The following ADGRL3 variants were observed in gnomAD, a reference collection of about 807,000 sequenced individuals.
ADGRL3 encodes calcium-independent alpha-latrotoxin receptor 3.
ADGRL3 carries 62 observed loss-of-function variants against 153.5 expected under a neutral mutation model. The observed-to-expected ratio is 0.40, with a 90% CI of 0.33 to 0.50. The LOEUF is 0.50. Ranked by LOEUF, ADGRL3 falls within the 20% of genes least tolerant of loss-of-function variation. The probability of loss-of-function intolerance (pLI) is 0.47; values close to 1 mark genes in which losing one functional copy is unlikely to be tolerated. For missense variants in ADGRL3, 1,641 were observed against 1,859.4 expected (o/e 0.88, Z 2.16); for synonymous variants, 710 against 672.5 (o/e 1.06, Z -0.86).
chr4:61,579,289 G>T (rs938752986), intron 4 of ADGRL3, among the ~76,000 whole-genome samples: 1 of 152,008 alleles, frequency 6.6e-6, no homozygotes, highest in Non-Finnish European at 1.5e-5. Context: ...ATTCTTTTTA[G>T]TGGATTCTTG....
intron 5 of ADGRL3, among the ~76,000 whole-genome samples, chr4:61,656,772 C>T (rs543677851): frequency 7.6e-4 from 115 of 152,172 alleles, no homozygotes; most frequent in Non-Finnish European, 1.3e-3. Context: ...TAGCTTTAAC[C>T]GTATTTTCAC....
At chr4:61,370,548 GGTTCTTAA>G (rs1295340367) in intron 1 of ADGRL3, among the ~76,000 whole-genome samples, 1 of 152,138 alleles carries the variant, frequency 6.6e-6, no homozygotes, top group Non-Finnish European at 1.5e-5. Context: ...TTTTGAGTGA[GGTTCTTAA>G]TCCTGAGTTC....
chr4:61,296,909 A>G (rs1360914965), intron 1 of ADGRL3, among the ~76,000 whole-genome samples: 1 of 152,188 alleles, frequency 6.6e-6, no homozygotes, highest in Non-Finnish European at 1.5e-5. Flanking sequence ...ATGAAATTAA[A>G]AATGCATTAC....
intron 8 of ADGRL3, among the ~76,000 whole-genome samples, chr4:61,787,369 A>T (rs192272414): frequency 1.3e-3 from 194 of 151,164 alleles, no homozygotes; most frequent in African/African-American, 4.6e-3. Flanking sequence ...TTTTTTTTTA[A>T]AAAAAAAGCA....
At chr4:61,248,696 C>A (rs1308396114) in intron 1 of ADGRL3, among the ~76,000 whole-genome samples, 2 of 152,084 alleles carry the variant, frequency 1.3e-5, no homozygotes, top group Non-Finnish European at 2.9e-5. Flanking sequence ...CACATCTAAT[C>A]AATTTCAAAG....
At chr4:61,980,291 C>T (rs570553986) in intron 18 of ADGRL3, among the ~76,000 whole-genome samples, 1 of 141,436 alleles carries the variant, frequency 7.1e-6, no homozygotes, top group Non-Finnish European at 1.5e-5. Context: ...TCCCACTAAC[C>T]TCTGGTAACC....
At chr4:61,732,210 G>A (rs2096454574) in intron 7 of ADGRL3, among the ~76,000 whole-genome samples, 1 of 151,572 alleles carries the variant, frequency 6.6e-6, no homozygotes, top group African/African-American at 2.4e-5. Flanking sequence ...TGTGTGTGTT[G>A]TAGCAACGTT....
intron 1 of ADGRL3, among the ~76,000 whole-genome samples, chr4:61,257,787 T>C (rs1337476009): frequency 2.6e-5 from 4 of 152,190 alleles, no homozygotes; most frequent in African/African-American, 4.8e-5. Flanking sequence ...TATTAAAGAT[T>C]ATTTCACTTC....
intron 25 of ADGRL3, among the ~76,000 whole-genome samples, chr4:62,050,364 C>A (rs554767170): frequency 2.2e-4 from 33 of 152,154 alleles, no homozygotes; most frequent in African/African-American, 7.2e-4. Flanking sequence ...CCTGTCCTCT[C>A]CCTTCAGAAG....
rs112933896 is a variant in ADGRL3, at chr4:61,367,700, G to C, written c.-239-15424G>C. Among the ~76,000 whole-genome samples the C allele has an allele frequency of 2.3e-5, 3 of 131,026 alleles. No individual in the cohort carries two copies. The East Asian group carries it at 6.7e-4, about 29-fold the overall frequency. The allele number at this position is 131,026 out of a possible 152,430, so 86.0% of individuals were successfully genotyped here. On this transcript the variant is annotated intron_variant, in intron 1 of 26. Transcript: ENST00000683033. The stretch of plus-strand genomic sequence containing the variant: ...GTGAATAATGCCACAATAAACATAC[G>C]TGTGCATGTGTCTTTATAGCAGCAT...
rs184693941 is a variant in ADGRL3 at position 61,516,191 on chromosome 4, A to G, written c.56-1124A>G. On this transcript the variant is annotated intron_variant, in intron 3 of 26. Transcript: ENST00000683033. The stretch of plus-strand genomic sequence containing the variant: ...TGGGAGGGATATGTTTTACACTTCT[A>G]ATCTGCAGATATTTTATATAGCAAG... Among the ~76,000 whole-genome samples the G allele has an allele frequency of 3.5e-3, 528 of 152,184 alleles. 2 individuals are homozygous for G. Among genetic ancestry groups the G allele is most frequent in the African/African-American group, 0.012 (514 of 41,558 alleles).
chr4:61,997,749 A>G (rs2099126768), intron 20 of ADGRL3, among the ~76,000 whole-genome samples: 1 of 152,202 alleles, frequency 6.6e-6, no homozygotes, highest in Admixed American at 6.5e-5. Context: ...ACAAAAATAT[A>G]TTGATTTTAG....
At chr4:61,241,736 A>G (rs558653509) in intron 1 of ADGRL3, among the ~76,000 whole-genome samples, 113 of 152,146 alleles carry the variant, frequency 7.4e-4, no homozygotes, top group South Asian at 1.7e-3. Flanking sequence ...GTGAGCACAG[A>G]AATACATTCA....
At chr4:62,021,333 G>A (rs1419738889) in intron 21 of ADGRL3, among the ~76,000 whole-genome samples, 3 of 152,130 alleles carry the variant, frequency 2.0e-5, no homozygotes, top group African/African-American at 7.2e-5. Context: ...GCTATGAGGT[G>A]CAATTAGCGA....
intron 5 of ADGRL3, among the ~76,000 whole-genome samples, chr4:61,644,509 G>T (rs2093863169): frequency 6.6e-6 from 1 of 152,140 alleles, no homozygotes; most frequent in Non-Finnish European, 1.5e-5. Flanking sequence ...TGGTTTCAAA[G>T]AACATCTTTA....
intron 21 of ADGRL3, among the ~76,000 whole-genome samples, chr4:62,005,876 G>A (rs1286541969): frequency 6.7e-6 from 1 of 148,790 alleles, no homozygotes; most frequent in African/African-American, 2.5e-5. Context: ...TTCAACAAAT[G>A]AGAAATATGA....
chr4:61,469,209 C>G (rs952604499), intron 2 of ADGRL3, among the ~76,000 whole-genome samples: 2 of 152,018 alleles, frequency 1.3e-5, no homozygotes, highest in African/African-American at 4.8e-5. Context: ...GTGGATTGCT[C>G]TTTTGCCTTT....
intron 21 of ADGRL3, among the ~76,000 whole-genome samples, chr4:61,999,571 G>T (rs2099133448): frequency 6.6e-6 from 1 of 152,100 alleles, no homozygotes; most frequent in South Asian, 2.1e-4. Flanking sequence ...TGTATTTTCA[G>T]AAGTTTCATG....
chr4:61,358,528 C>T (rs1020749105), intron 1 of ADGRL3, among the ~76,000 whole-genome samples: 10 of 136,036 alleles, frequency 7.4e-5, no homozygotes, highest in Non-Finnish European at 1.1e-4. Context: ...ACTCGGGAGG[C>T]GGAGCTTGCA....
Sources: gnomAD v4.1 joint callset for allele counts (sites outside exome capture counted in the v4.1 genomes callset) on GRCh38, gnomAD v4.1.1 for gene constraint, MANE v1.5 for transcripts, NCBI Gene and HGNC (gene_info 2026-07-23, HGNC 2026-07-21) for gene names.